Variants in XKR6 observed in about 807,000 individuals in gnomAD.
XKR6 encodes the protein XK related 6.
Under a neutral mutation model 56.7 loss-of-function variants are expected in XKR6, and 22 were observed. That is an observed-to-expected ratio of 0.39 (90% CI 0.28 to 0.55). The LOEUF is 0.55. Among genes scored for constraint, XKR6 ranks in the 20% least tolerant of loss-of-function variants. The pLI is 0.66. For missense variants in XKR6, 852 were observed against 889.0 expected (o/e 0.96, Z 0.53); for synonymous variants, 524 against 387.8 (o/e 1.35, Z -4.13).
At chr8:10,942,785 A>G (rs1337363160) in intron 1 of XKR6, among the ~76,000 whole-genome samples, 10 of 151,952 alleles carry the variant, frequency 6.6e-5, no homozygotes, top group Non-Finnish European at 1.2e-4. Context: ...TCACGCTACA[A>G]CCCCTTCCCT....
At chr8:11,130,372 C>G (rs1383845953) in intron 1 of XKR6, among the ~76,000 whole-genome samples, 2 of 152,114 alleles carry the variant, frequency 1.3e-5, no homozygotes, top group Non-Finnish European at 2.9e-5. Flanking sequence ...CATATCTACA[C>G]TAAGCCACGT....
chr8:11,183,953 G>A (rs556544403), intron 1 of XKR6, among the ~76,000 whole-genome samples: 1 of 152,270 alleles, frequency 6.6e-6, no homozygotes, highest in Admixed American at 6.5e-5. Context: ...ACTGTCTGTA[G>A]TCTGGGCAAT....
intron 1 of XKR6, chr8:11,124,262 G>C: frequency 2.9e-6 from 1 of 344,718 alleles, no homozygotes; most frequent in Non-Finnish European, 5.7e-6. Flanking sequence ...AAACCCCTCT[G>C]TTAGGCAAAA....
chr8:11,194,108 C>T (rs1484863742), intron 1 of XKR6, among the ~76,000 whole-genome samples: 2 of 152,214 alleles, frequency 1.3e-5, no homozygotes, highest in South Asian at 2.1e-4. Context: ...ACCTAGGAGA[C>T]ATACACACTT....
intron 1 of XKR6, among the ~76,000 whole-genome samples, chr8:11,171,900 A>G (rs1242437358): frequency 1.3e-5 from 2 of 152,084 alleles, no homozygotes; most frequent in African/African-American, 2.4e-5. Flanking sequence ...CAAAAATACA[A>G]AACTTAGCCA....
chr8:10,965,144 A>T (rs2129131933), intron 1 of XKR6, among the ~76,000 whole-genome samples: 1 of 152,320 alleles, frequency 6.6e-6, no homozygotes, highest in Non-Finnish European at 1.5e-5. Flanking sequence ...CTCTGGCCTC[A>T]TGGATGGCGG....
chr8:11,134,230 G>T (rs1472032275), intron 1 of XKR6, among the ~76,000 whole-genome samples: 1 of 152,050 alleles, frequency 6.6e-6, no homozygotes, highest in Non-Finnish European at 1.5e-5. Context: ...CTCTTTCATA[G>T]CACTGATCAC....
intron 1 of XKR6, among the ~76,000 whole-genome samples, chr8:11,155,303 G>A (rs1047845799): frequency 3.3e-5 from 5 of 152,138 alleles, no homozygotes; most frequent in East Asian, 1.9e-4. Flanking sequence ...ATTACGGGTC[G>A]AGTATTCCAT....
chr8:11,094,869 C>G (rs1315210853), intron 1 of XKR6, among the ~76,000 whole-genome samples: 2 of 152,138 alleles, frequency 1.3e-5, no homozygotes, highest in African/African-American at 2.4e-5. Flanking sequence ...CTTTAAAACA[C>G]AGAATGCCAC....
chr8:11,007,550 C>A (rs1411399715), intron 1 of XKR6, among the ~76,000 whole-genome samples: 5 of 152,152 alleles, frequency 3.3e-5, no homozygotes, highest in African/African-American at 9.7e-5. Flanking sequence ...TCATCGCCAT[C>A]AATACTGATG....
At chr8:10,939,728 G>T (rs943928127) in intron 1 of XKR6, among the ~76,000 whole-genome samples, 1 of 152,228 alleles carries the variant, frequency 6.6e-6, no homozygotes, top group African/African-American at 2.4e-5. Context: ...CTCTGCTTTC[G>T]ACCAGAGACC....
At chr8:11,143,862 C>T (rs1409355437) in intron 1 of XKR6, among the ~76,000 whole-genome samples, 1 of 152,164 alleles carries the variant, frequency 6.6e-6, no homozygotes, top group African/African-American at 2.4e-5. Context: ...AATTGATTTT[C>T]CCACAGTTCT....
intron 1 of XKR6, among the ~76,000 whole-genome samples, chr8:11,131,455 C>T (rs1196885842): frequency 6.6e-6 from 1 of 151,942 alleles, no homozygotes; most frequent in African/African-American, 2.4e-5. Context: ...GAAGAAAATT[C>T]CTGAGAAACA....
intron 1 of XKR6, among the ~76,000 whole-genome samples, chr8:11,048,247 G>T (rs1366887322): frequency 6.6e-6 from 1 of 152,094 alleles, no homozygotes; most frequent in Non-Finnish European, 1.5e-5. Context: ...CATCAGCAAG[G>T]GGAATCCGGC....
At chr8:11,156,265 T>C (rs535617823) in intron 1 of XKR6, among the ~76,000 whole-genome samples, 1 of 152,312 alleles carries the variant, frequency 6.6e-6, no homozygotes, top group East Asian at 1.9e-4. Context: ...TCTGAATGCT[T>C]TTCCAACTTT....
chr8:10,976,631 G>C (rs1160946620), intron 1 of XKR6, among the ~76,000 whole-genome samples: 1 of 152,156 alleles, frequency 6.6e-6, no homozygotes, highest in Non-Finnish European at 1.5e-5. Context: ...ACGTTCAAGA[G>C]TACAAAGTCC....
chr8:11,183,386 C>T (rs1422156212), intron 1 of XKR6, among the ~76,000 whole-genome samples: 2 of 152,156 alleles, frequency 1.3e-5, no homozygotes, highest in Non-Finnish European at 2.9e-5. Context: ...TTGTGTAGCT[C>T]ACTGCAGCCT....
chr8:10,947,214 A>G (rs549554001), intron 1 of XKR6, among the ~76,000 whole-genome samples: 1 of 152,302 alleles, frequency 6.6e-6, no homozygotes, highest in East Asian at 1.9e-4. Flanking sequence ...GCAGAGGAAA[A>G]GAGAGAAAAT....
chr8:11,157,122 C>G (rs1801559372), intron 1 of XKR6, among the ~76,000 whole-genome samples: 1 of 152,128 alleles, frequency 6.6e-6, no homozygotes, highest in African/African-American at 2.4e-5. Flanking sequence ...CCCAAATTGA[C>G]AAACATCCTA....
Sources: allele counts gnomAD v4.1 joint callset (sites outside exome capture counted in the v4.1 genomes callset), GRCh38; gene constraint gnomAD v4.1.1; transcripts MANE v1.5; gene names NCBI Gene and HGNC (gene_info 2026-07-23, HGNC 2026-07-21).